The following ODF2L variants were observed in gnomAD, a reference collection of about 807,000 sequenced individuals.
The protein encoded by ODF2L is protein BCAP.
A neutral mutation model predicts 86.3 loss-of-function variants in ODF2L; 76 were observed. The observed-to-expected ratio is 0.88, with a 90% CI of 0.73 to 1.07. The LOEUF (loss-of-function observed/expected upper bound fraction) is 1.07, where lower values mean the gene tolerates loss of function less well. Among genes scored for constraint, ODF2L ranks in the 50% least tolerant of loss-of-function variants. The pLI is 0.00. For missense variants in ODF2L, 748 were observed against 717.4 expected, an observed-to-expected ratio of 1.04 and a Z score of -0.49; for synonymous variants, 241 against 231.3, an observed-to-expected ratio of 1.04 and a Z score of -0.38.
At chr1:86,368,979 A>G (rs1659627723) in intron 10 of ODF2L, among the ~76,000 whole-genome samples, 1 of 152,130 alleles carries the variant, frequency 6.6e-6, no homozygotes, top group Admixed American at 6.5e-5. Context: ...GAAAAAACAG[A>G]AATATTACAA....
At chr1:86,391,970 C>T (rs1423908948) in intron 1 of ODF2L, among the ~76,000 whole-genome samples, 3 of 151,962 alleles carry the variant, frequency 2.0e-5, no homozygotes, top group Non-Finnish European at 4.4e-5. Context: ...GACTAATATC[C>T]AAAACCGACA....
At chr1:86,383,773 A>C (rs1465084018) in intron 4 of ODF2L, among the ~76,000 whole-genome samples, 1 of 151,814 alleles carries the variant, frequency 6.6e-6, no homozygotes. Flanking sequence ...CATGGATTTC[A>C]TAAAGGTCAT....
intron 10 of ODF2L, among the ~76,000 whole-genome samples, chr1:86,370,491 G>A (rs1364707821): frequency 6.6e-6 from 1 of 152,050 alleles, no homozygotes; most frequent in African/African-American, 2.4e-5. Flanking sequence ...TTATGGAAGT[G>A]AAAATGATGC....
At chr1:86,353,826 T>G (rs771670065) in intron 16 of ODF2L, among the ~76,000 whole-genome samples, 5 of 152,256 alleles carry the variant, frequency 3.3e-5, no homozygotes, top group Non-Finnish European at 4.4e-5. Flanking sequence ...GTCCCCTCAG[T>G]GTGGGCAATG....
chr1:86,348,993 T>C, downstream of ODF2L: 2 of 1,134,164 alleles, frequency 1.8e-6, no homozygotes, highest in Non-Finnish European at 2.3e-6. Context: ...TTTGATTTTT[T>C]AAAATAATAC....
chr1:86,372,467 T>C (rs746302641), exon 9 of ODF2L: 2 of 1,519,482 alleles, frequency 1.3e-6, no homozygotes, highest in East Asian at 2.4e-5. Flanking sequence ...CAATTCGGTT[T>C]TTTCTATCAC....
intron 14 of ODF2L, among the ~76,000 whole-genome samples, chr1:86,355,753 G>T (rs978857142): frequency 1.3e-5 from 2 of 151,532 alleles, no homozygotes; most frequent in African/African-American, 2.4e-5. Context: ...TCATCATTTA[G>T]CTCCTACTTT....
chr1:86,366,735 A>G (rs1659471406), intron 11 of ODF2L, among the ~76,000 whole-genome samples: 2 of 152,156 alleles, frequency 1.3e-5, no homozygotes, highest in Admixed American at 1.3e-4. Flanking sequence ...ATTCTTGAAA[A>G]TTAAACTTTT....
intron 1 of ODF2L, 97 bp downstream of exon 1, chr1:86,395,936 T>G (rs1661710905): frequency 6.6e-6 from 1 of 152,250 alleles, no homozygotes; most frequent in African/African-American, 2.4e-5. Flanking sequence ...GACCCACCAC[T>G]GCCCTCACCT....
chr1:86,350,920 T>C (rs919154480), exon 18 of ODF2L: 5 of 152,216 alleles, frequency 3.3e-5, no homozygotes, highest in African/African-American at 9.6e-5. Context: ...TCTGTTCATA[T>C]TCTTTGCACA....
At chr1:86,390,606 G>C (rs748209650) in intron 1 of ODF2L, among the ~76,000 whole-genome samples, 1 of 152,082 alleles carries the variant, frequency 6.6e-6, no homozygotes, top group Non-Finnish European at 1.5e-5. Flanking sequence ...AATAGATGCA[G>C]AAAAAGCATT....
intron 7 of ODF2L, among the ~76,000 whole-genome samples, chr1:86,379,172 C>G (rs1459804636): frequency 6.6e-6 from 1 of 152,098 alleles, no homozygotes; most frequent in East Asian, 1.9e-4. Context: ...CAGAATCATG[C>G]TTCCTATACA....
exon 4 of ODF2L, chr1:86,384,705 G>T: frequency 6.6e-7 from 1 of 1,520,132 alleles, no homozygotes; most frequent in Non-Finnish European, 8.8e-7. Context: ...CTAAGAAGAT[G>T]TTCTAAAGCT....
chr1:86,368,722 G>T (rs562503169), exon 11 of ODF2L: 2 of 1,434,882 alleles, frequency 1.4e-6, no homozygotes, highest in South Asian at 3.1e-5. Context: ...GGGAATCTAA[G>T]CTAAAGACAA....
At chr1:86,348,746 C>T, downstream of ODF2L, 1 of 1,466,440 alleles carries the variant, frequency 6.8e-7, no homozygotes, top group Non-Finnish European at 9.0e-7. Context: ...ATAAATTTGA[C>T]AATTTATTCA....
chr1:86,374,717 A>C (rs1411309127), intron 8 of ODF2L, among the ~76,000 whole-genome samples: 1 of 152,184 alleles, frequency 6.6e-6, no homozygotes, highest in Non-Finnish European at 1.5e-5. Flanking sequence ...ACTGCATGTG[A>C]ATTAGTAACT....
chr1:86,359,006 A>AC, intron 12 of ODF2L, 115 bp from the exon 12 acceptor site: 1 of 546,990 alleles, frequency 1.8e-6, no homozygotes, highest in Non-Finnish European at 3.2e-6. Flanking sequence ...AATATCCTTG[A>AC]CTGGTTCATC....
intron 2 of ODF2L, chr1:86,385,845 A>T (rs1570431829): frequency 4.3e-6 from 1 of 235,276 alleles, no homozygotes; most frequent in East Asian, 9.6e-5. Flanking sequence ...GAGCATTTTC[A>T]ATATTTATAA....
exon 17 of ODF2L, chr1:86,352,927 A>G (rs139126408): frequency 1.4e-5 from 22 of 1,546,246 alleles, no homozygotes; most frequent in Non-Finnish European, 1.9e-5. Flanking sequence ...TCCAGATCTA[A>G]TATTTTAATT....
Sources: allele counts gnomAD v4.1 joint callset (sites outside exome capture counted in the v4.1 genomes callset), GRCh38; gene constraint gnomAD v4.1.1; transcripts MANE v1.5; gene names NCBI Gene and HGNC (gene_info 2026-07-23, HGNC 2026-07-21).